The following FBXL13 variants were observed in gnomAD, a reference collection of about 807,000 sequenced individuals.
FBXL13 encodes F-box and leucine rich repeat protein 13, also known as F-box and leucine-rich repeat protein 13.
In FBXL13, 67 loss-of-function variants were observed where a neutral mutation model predicts 83.6. That is an observed-to-expected ratio of 0.80 (90% CI 0.66 to 0.98). The LOEUF is 0.98. Ranked by LOEUF, FBXL13 falls within the 50% of genes least tolerant of loss-of-function variation. The pLI is 0.00. For missense variants in FBXL13, 822 were observed against 866.5 expected, an observed-to-expected ratio of 0.95 and a Z score of 0.64; for synonymous variants, 272 against 299.5, an observed-to-expected ratio of 0.91 and a Z score of 0.95.
intron 11 of FBXL13, among the ~76,000 whole-genome samples, chr7:102,895,747 A>G (rs1812174863): frequency 6.6e-6 from 1 of 152,204 alleles, no homozygotes; most frequent in South Asian, 2.1e-4. Context: ...ACCAGGAATC[A>G]TCACCCTCCC....
At chr7:102,887,224 A>C (rs967212293) in intron 11 of FBXL13, among the ~76,000 whole-genome samples, 1 of 152,204 alleles carries the variant, frequency 6.6e-6, no homozygotes, top group Non-Finnish European at 1.5e-5. Context: ...TTCAAAGTAC[A>C]GAATCTTAGC....
At chr7:102,906,205 A>G (rs1813725488) in intron 11 of FBXL13, among the ~76,000 whole-genome samples, 1 of 152,198 alleles carries the variant, frequency 6.6e-6, no homozygotes, top group South Asian at 2.1e-4. Context: ...GGAATTCAAG[A>G]TGAGATTTGG....
At chr7:103,058,785 T>C (rs898918646) in intron 1 of FBXL13, among the ~76,000 whole-genome samples, 19 of 152,186 alleles carry the variant, frequency 1.2e-4, no homozygotes, top group African/African-American at 4.3e-4. Flanking sequence ...TTTAAGAAAG[T>C]TGAGATCTGG....
At chr7:102,830,900 A>T (rs1426883700) in intron 18 of FBXL13, among the ~76,000 whole-genome samples, 2 of 152,206 alleles carry the variant, frequency 1.3e-5, no homozygotes, top group African/African-American at 4.8e-5. Flanking sequence ...GTTGATCAAT[A>T]TCTTCCACTT....
chr7:103,027,477 T>C (rs1346220285), exon 5 of FBXL13: 1 of 1,612,914 alleles, frequency 6.2e-7, no homozygotes, highest in Non-Finnish European at 8.5e-7. Flanking sequence ...TTTACTCTTA[T>C]GTCTTGCTGT....
intron 8 of FBXL13, chr7:102,939,609 T>C: frequency 6.3e-7 from 1 of 1,580,172 alleles, no homozygotes; most frequent in African/African-American, 1.4e-5. Context: ...TATAGCCCCT[T>C]CAATGGGTGG....
chr7:103,021,625 A>T (rs1407011619), intron 6 of FBXL13, among the ~76,000 whole-genome samples: 1 of 152,212 alleles, frequency 6.6e-6, no homozygotes, highest in Admixed American at 6.5e-5. Context: ...AAGAACTTAA[A>T]CAAATTTGCA....
In FBXL13 at chr7:103,067,692, A is replaced by G. The variant is rs1798532793; in HGVS notation, c.-105+6554T>C. Among the ~76,000 whole-genome samples the G allele has an allele frequency of 2.0e-5, 3 of 152,226 alleles. No homozygotes were observed. In the South Asian group the frequency reaches 6.2e-4, roughly 31 times the overall value. ...AGGCATGTAGGTAAGGAAGCCTTCA[A>G]GATGATTTTAACCTCAGCCACTCTG... On this transcript the variant is annotated intron_variant, in intron 1 of 19. Transcript: ENST00000313221.
rs578054362 is a variant in FBXL13 at position 102,869,956 on chromosome 7, T to A, written c.1635+7511A>T. On this transcript the variant is annotated intron_variant, in intron 16 of 19. Transcript: ENST00000313221. ...GAGGCAGATGGGCAGTTATAAGAGATGATTAGACTCTATCAATGACTATTA... is the reference window on the plus strand; with the variant it reads ...GAGGCAGATGGGCAGTTATAAGAGAAGATTAGACTCTATCAATGACTATTA... Among the ~76,000 whole-genome samples the A allele has an allele frequency of 1.6e-3, 248 of 152,320 alleles. 1 individual carries two copies. Among genetic ancestry groups the A allele is most frequent in the African/African-American group, 5.5e-3 (228 of 41,570 alleles).
exon 2 of FBXL13, chr7:103,055,720 A>G (rs1484964873): frequency 6.2e-6 from 8 of 1,284,342 alleles, no homozygotes; most frequent in Non-Finnish European, 8.1e-6. Flanking sequence ...TCCTCAGGAC[A>G]TGTAACAAGT....
chr7:102,979,040 C>G (rs562379109), intron 6 of FBXL13, among the ~76,000 whole-genome samples: 1 of 152,200 alleles, frequency 6.6e-6, no homozygotes, highest in Non-Finnish European at 1.5e-5. Context: ...TAATTTTACC[C>G]TTCACTTACT....
intron 6 of FBXL13, among the ~76,000 whole-genome samples, chr7:103,006,836 T>C (rs552530824): frequency 2.0e-5 from 3 of 151,930 alleles, no homozygotes; most frequent in South Asian, 2.1e-4. Context: ...ATAGCTATTA[T>C]AAAAATGTTC....
At chr7:102,900,359 C>CAA (rs1218984306) in intron 11 of FBXL13, among the ~76,000 whole-genome samples, 1 of 152,180 alleles carries the variant, frequency 6.6e-6, no homozygotes, top group Non-Finnish European at 1.5e-5. Flanking sequence ...CAGCAAAAAG[C>CAA]ATTTAGGTGT....
chr7:102,998,803 CA>C (rs1159387039), intron 6 of FBXL13, among the ~76,000 whole-genome samples: 1 of 151,578 alleles, frequency 6.6e-6, no homozygotes, highest in East Asian at 1.9e-4. Flanking sequence ...TCCATCTCTA[CA>C]AATAAAATAA....
chr7:102,832,728 C>T lies in FBXL13; in HGVS notation c.1854+112G>A, dbSNP rs576445456. 120 of 1,288,968 alleles carry T rather than the reference C, an allele frequency of 9.3e-5. No homozygotes were observed. The South Asian group carries it at 2.2e-3, about 24-fold the overall frequency. 79.8% of individuals were successfully genotyped at this position (1,288,968 alleles called of 1,614,324 possible). A position where few individuals can be genotyped will look rare whatever the true frequency, so the allele number is the denominator to read the frequency against. On this transcript the variant is annotated intron_variant, in intron 18 of 19. Transcript: ENST00000313221. ...ATAGAAGAAAAAAATCCAATGAATA[C>T]CTCAACCATGGCAAAGAGAACATAT... is the stretch of plus-strand genomic sequence containing the variant.
intron 18 of FBXL13, among the ~76,000 whole-genome samples, chr7:102,824,442 C>T (rs576570809): frequency 6.6e-6 from 1 of 152,270 alleles, no homozygotes; most frequent in African/African-American, 2.4e-5. Context: ...TCATTCCTAT[C>T]CCCATTAACA....
intron 8 of FBXL13, among the ~76,000 whole-genome samples, chr7:102,963,244 C>T (rs564105631): frequency 1.3e-5 from 2 of 151,476 alleles, no homozygotes; most frequent in East Asian, 1.9e-4. Context: ...TCATTTGAAC[C>T]CAGGAGCCGG....
intron 6 of FBXL13, among the ~76,000 whole-genome samples, chr7:102,996,115 C>T (rs190697953): frequency 3.9e-5 from 6 of 152,320 alleles, no homozygotes; most frequent in African/African-American, 1.4e-4. Flanking sequence ...AAACCCAGTT[C>T]TCCCTGAGTC....
At chr7:102,975,508 C>T (rs912474409) in intron 6 of FBXL13, among the ~76,000 whole-genome samples, 1 of 152,322 alleles carries the variant, frequency 6.6e-6, no homozygotes, top group East Asian at 1.9e-4. Context: ...GGCCTCTGGA[C>T]GCTGCTGTCG....
Sources: gnomAD v4.1 joint callset for allele counts (sites outside exome capture counted in the v4.1 genomes callset) on GRCh38, gnomAD v4.1.1 for gene constraint, MANE v1.5 for transcripts, NCBI Gene and HGNC (gene_info 2026-07-23, HGNC 2026-07-21) for gene names.